Variants in MICU2 observed in about 807,000 individuals in gnomAD.
MICU2 encodes the protein calcium uptake protein 2, mitochondrial.
In MICU2, 64 loss-of-function variants were observed where a neutral mutation model predicts 60.4. That is an observed-to-expected ratio of 1.06 (90% CI 0.87 to 1.31). The LOEUF (loss-of-function observed/expected upper bound fraction) is 1.31. Ranked by LOEUF, MICU2 falls within the 50% of genes most tolerant of loss-of-function variation. The pLI is 0.00. For synonymous variants in MICU2, 201 were observed against 175.0 expected, an observed-to-expected ratio of 1.15 and a Z score of -1.17; for missense variants, 569 against 531.0, an observed-to-expected ratio of 1.07 and a Z score of -0.70.
At chr13:21,535,323 G>C (rs1255136043) in intron 4 of MICU2, among the ~76,000 whole-genome samples, 2 of 151,596 alleles carry the variant, frequency 1.3e-5, no homozygotes, top group South Asian at 4.2e-4. Flanking sequence ...CTTACTTCAG[G>C]AAAAAAACAT....
At chr13:21,585,711 C>A (rs946783170) in intron 1 of MICU2, among the ~76,000 whole-genome samples, 1 of 152,122 alleles carries the variant, frequency 6.6e-6, no homozygotes, top group Non-Finnish European at 1.5e-5. Context: ...GACAAAGATT[C>A]TACAACTAAT....
chr13:21,589,237 A>T (rs1386918839), intron 1 of MICU2, among the ~76,000 whole-genome samples: 5 of 152,180 alleles, frequency 3.3e-5, no homozygotes, highest in Non-Finnish European at 7.3e-5. Context: ...TGGCTAGAAA[A>T]GTGGTTTGGT....
intron 8 of MICU2, among the ~76,000 whole-genome samples, chr13:21,509,794 T>G (rs555876609): frequency 2.6e-4 from 40 of 152,246 alleles, no homozygotes; most frequent in Non-Finnish European, 4.4e-4. Context: ...GATACTACTT[T>G]CTATAGTAAG....
chr13:21,515,184 C>A (rs1357338105), intron 6 of MICU2, among the ~76,000 whole-genome samples: 1 of 151,482 alleles, frequency 6.6e-6, no homozygotes, highest in Non-Finnish European at 1.5e-5. Flanking sequence ...CGGGTTCACG[C>A]CATTCTCCTG....
At chr13:21,549,580 TG>T (rs1210962643) in intron 2 of MICU2, among the ~76,000 whole-genome samples, 12 of 152,046 alleles carry the variant, frequency 7.9e-5, no homozygotes, top group Non-Finnish European at 1.3e-4. Context: ...TTTGGCTGTC[TG>T]GGTTGGCTGT....
intron 1 of MICU2, among the ~76,000 whole-genome samples, chr13:21,590,686 T>G (rs1370277161): frequency 6.6e-6 from 1 of 152,176 alleles, no homozygotes. Flanking sequence ...AACCCCCGTT[T>G]CTACTAAAAA....
intron 1 of MICU2, among the ~76,000 whole-genome samples, chr13:21,597,181 T>C (rs1888713191): frequency 6.6e-6 from 1 of 152,250 alleles, no homozygotes; most frequent in Admixed American, 6.5e-5. Context: ...CAAAGGTATA[T>C]CTATTATTAA....
chr13:21,597,277 G>C (rs1053166206), intron 1 of MICU2, among the ~76,000 whole-genome samples: 1 of 152,026 alleles, frequency 6.6e-6, no homozygotes, highest in African/African-American at 2.4e-5. Context: ...CTAGGCCCTT[G>C]GGACATAGCA....
At chr13:21,572,922 C>T (rs894670382) in intron 1 of MICU2, among the ~76,000 whole-genome samples, 1 of 137,412 alleles carries the variant, frequency 7.3e-6, no homozygotes, top group Non-Finnish European at 1.6e-5. Flanking sequence ...TACATTTTAG[C>T]TGTTGTTAAT....
intron 1 of MICU2, among the ~76,000 whole-genome samples, chr13:21,567,316 A>G (rs1888009183): frequency 6.6e-6 from 1 of 152,186 alleles, no homozygotes; most frequent in South Asian, 2.1e-4. Context: ...AGATTAAACG[A>G]GGTGGAGTTA....
intron 8 of MICU2, among the ~76,000 whole-genome samples, chr13:21,505,933 C>A (rs1461032151): frequency 6.6e-6 from 1 of 152,132 alleles, no homozygotes; most frequent in Admixed American, 6.6e-5. Context: ...TAGAAAGACG[C>A]CATGCACCAT....
intron 4 of MICU2, among the ~76,000 whole-genome samples, chr13:21,525,210 T>C (rs1261797940): frequency 1.5e-5 from 2 of 135,220 alleles, no homozygotes; most frequent in East Asian, 4.0e-4. Context: ...TTTTTTTTTT[T>C]GAGATGGAGT....
chr13:21,499,956 G>A (rs1174605122), intron 9 of MICU2, among the ~76,000 whole-genome samples: 1 of 152,124 alleles, frequency 6.6e-6, no homozygotes, highest in Non-Finnish European at 1.5e-5. Context: ...ATAGCGGACA[G>A]CACTGTTCCT....
At chr13:21,531,013 C>T in intron 4 of MICU2, 2 of 820,568 alleles carry the variant, frequency 2.4e-6, no homozygotes, top group Non-Finnish European at 4.4e-6. Flanking sequence ...AATGAAAGTG[C>T]CTGCAACTAT....
chr13:21,528,030 A>T (rs1886898716), intron 4 of MICU2, among the ~76,000 whole-genome samples: 1 of 152,210 alleles, frequency 6.6e-6, no homozygotes, highest in Non-Finnish European at 1.5e-5. Context: ...GCAAGAATAT[A>T]TTTATATCTT....
At chr13:21,558,518 T>C (rs897398476) in intron 2 of MICU2, among the ~76,000 whole-genome samples, 1 of 152,206 alleles carries the variant, frequency 6.6e-6, no homozygotes, top group Admixed American at 6.5e-5. Flanking sequence ...CCACGTGTTT[T>C]TGAGTGTGGA....
At chr13:21,539,507 T>C (rs1887226781) in intron 3 of MICU2, 130 bp from the exon 4 acceptor site, 1 of 1,295,026 alleles carries the variant, frequency 7.7e-7, no homozygotes. Context: ...TTCACTGTGT[T>C]AGCCAGGATG....
chr13:21,596,254 G>C (rs893234146), intron 1 of MICU2, among the ~76,000 whole-genome samples: 2 of 152,002 alleles, frequency 1.3e-5, no homozygotes, highest in African/African-American at 2.4e-5. Flanking sequence ...TGAAAGAAGG[G>C]GAGATCTTAA....
intron 9 of MICU2, among the ~76,000 whole-genome samples, chr13:21,501,407 C>CG (rs1886153148): frequency 6.6e-6 from 1 of 152,020 alleles, no homozygotes; most frequent in South Asian, 2.1e-4. Flanking sequence ...GGACTACAGG[C>CG]ACCTGCCACC....
Sources: allele counts gnomAD v4.1 joint callset (sites outside exome capture counted in the v4.1 genomes callset), GRCh38; gene constraint gnomAD v4.1.1; transcripts MANE v1.5; gene names NCBI Gene and HGNC (gene_info 2026-07-23, HGNC 2026-07-21).